The following FHOD3 variants were observed in gnomAD, a reference collection of about 807,000 sequenced individuals.
FHOD3 encodes the protein FH1/FH2 domain-containing protein 3.
Under a neutral mutation model 173.0 loss-of-function variants are expected in FHOD3, and 90 were observed. That is an observed-to-expected ratio of 0.52 (90% CI 0.44 to 0.62). The LOEUF (loss-of-function observed/expected upper bound fraction) is 0.62. Ranked by LOEUF, FHOD3 falls within the 20% of genes least tolerant of loss-of-function variation. The probability of loss-of-function intolerance (pLI) is 0.00; values close to 1 mark genes in which losing one functional copy is unlikely to be tolerated. For synonymous variants in FHOD3, 828 were observed against 823.0 expected, an observed-to-expected ratio of 1.01 and a Z score of -0.10; for missense variants, 1,945 against 2,034.7, an observed-to-expected ratio of 0.96 and a Z score of 0.85.
intron 3 of FHOD3, among the ~76,000 whole-genome samples, chr18:36,491,236 T>G (rs978147242): frequency 1.3e-5 from 2 of 152,218 alleles, no homozygotes; most frequent in Non-Finnish European, 2.9e-5. Flanking sequence ...TGCCTTTGGA[T>G]ATAATTTTTT....
chr18:36,748,378 AC>A (rs967737589), intron 24 of FHOD3, among the ~76,000 whole-genome samples: 12 of 121,070 alleles, frequency 9.9e-5, no homozygotes, highest in African/African-American at 2.1e-4. Flanking sequence ...ACACACACAC[AC>A]ACAACACACA....
intron 3 of FHOD3, among the ~76,000 whole-genome samples, chr18:36,434,262 A>C (rs538853615): frequency 6.6e-6 from 1 of 152,318 alleles, no homozygotes; most frequent in African/African-American, 2.4e-5. Flanking sequence ...TTTATGGATG[A>C]GGTAAGATAT....
intron 3 of FHOD3, among the ~76,000 whole-genome samples, chr18:36,432,334 A>C (rs1316290309): frequency 6.6e-6 from 1 of 152,220 alleles, no homozygotes; most frequent in African/African-American, 2.4e-5. Context: ...AGGACTGTCA[A>C]CTTTGGTGTT....
intron 20 of FHOD3, among the ~76,000 whole-genome samples, chr18:36,732,999 T>A (rs1045287769): frequency 6.6e-6 from 1 of 152,222 alleles, no homozygotes. Context: ...ACGGATTAAA[T>A]GACAAAGGTC....
chr18:36,679,169 TCATC>T (rs1568595123), intron 14 of FHOD3, among the ~76,000 whole-genome samples: 2 of 152,138 alleles, frequency 1.3e-5, no homozygotes, highest in Non-Finnish European at 2.9e-5. Flanking sequence ...TTTTAGAAAA[TCATC>T]CATTTCTTTA....
At position 36,598,880 on chromosome 18, in the gene FHOD3, C is replaced by T. The variant is rs140354149; in HGVS notation, c.719-3794C>T. ...GGAAAATTTAAAATGTTCCATTTGA[C>T]CCAGGCTATTGCACTTTTGCTCAGG... On this transcript the variant is annotated intron_variant, in intron 7 of 28. Transcript: ENST00000590592. 2.4e-3 allele frequency among the ~76,000 whole-genome samples: 370 copies of T among 152,296 alleles called. 1 individual carries two copies. Among genetic ancestry groups the T allele is most frequent in the African/African-American group, 8.4e-3 (348 of 41,564 alleles).
At chr18:36,687,278 A>G in intron 16 of FHOD3, 100 bp downstream of exon 16, 3 of 869,660 alleles carry the variant, frequency 3.4e-6, no homozygotes, top group Non-Finnish European at 5.5e-6. Context: ...TAACTGCTTC[A>G]CCTAAAACCT....
At chr18:36,511,756 G>A (rs1171391019) in intron 4 of FHOD3, among the ~76,000 whole-genome samples, 1 of 152,164 alleles carries the variant, frequency 6.6e-6, no homozygotes, top group Non-Finnish European at 1.5e-5. Context: ...GGAGACTTCT[G>A]TCTGAGAACC....
At chr18:36,322,863 A>G (rs1212454463) in intron 1 of FHOD3, among the ~76,000 whole-genome samples, 1 of 152,112 alleles carries the variant, frequency 6.6e-6, no homozygotes, top group Non-Finnish European at 1.5e-5. Flanking sequence ...TCACTCACTC[A>G]TTCATTCCAC....
chr18:36,445,734 C>T (rs2051429438), intron 3 of FHOD3, among the ~76,000 whole-genome samples: 1 of 152,136 alleles, frequency 6.6e-6, no homozygotes, highest in South Asian at 2.1e-4. Flanking sequence ...GGGCCTCTGT[C>T]TCATCTTGGG....
At chr18:36,540,415 T>C (rs1351399775) in intron 5 of FHOD3, among the ~76,000 whole-genome samples, 1 of 152,198 alleles carries the variant, frequency 6.6e-6, no homozygotes, top group African/African-American at 2.4e-5. Flanking sequence ...TGGGCTTGCT[T>C]AAGCTGGAGC....
intron 10 of FHOD3, among the ~76,000 whole-genome samples, chr18:36,633,645 G>A (rs977541083): frequency 2.6e-5 from 4 of 152,188 alleles, no homozygotes. Flanking sequence ...GGCAGTCAGA[G>A]TCCATAGCCT....
At chr18:36,444,971 A>T (rs1053560326) in intron 3 of FHOD3, among the ~76,000 whole-genome samples, 2 of 152,262 alleles carry the variant, frequency 1.3e-5, no homozygotes, top group South Asian at 4.1e-4. Flanking sequence ...TAACTAAAAG[A>T]TAAGTCAAAA....
intron 3 of FHOD3, among the ~76,000 whole-genome samples, chr18:36,412,737 T>C (rs2049421826): frequency 6.6e-6 from 1 of 152,220 alleles, no homozygotes; most frequent in South Asian, 2.1e-4. Context: ...TGCTGTTAAA[T>C]AAAATTAAGG....
At chr18:36,434,986 C>T (rs914391837) in intron 3 of FHOD3, among the ~76,000 whole-genome samples, 1 of 151,636 alleles carries the variant, frequency 6.6e-6, no homozygotes, top group Admixed American at 6.6e-5. Context: ...TAAATAAAGT[C>T]AGTAGCTTAA....
intron 5 of FHOD3, among the ~76,000 whole-genome samples, chr18:36,560,760 A>G (rs1568427916): frequency 6.6e-6 from 1 of 151,708 alleles, no homozygotes; most frequent in Non-Finnish European, 1.5e-5. Flanking sequence ...GCTGCAGCAC[A>G]GCCTTGCAGT....
At chr18:36,693,473 G>T in intron 17 of FHOD3, 50 bp downstream of exon 17, 1 of 1,520,998 alleles carries the variant, frequency 6.6e-7, no homozygotes, top group Non-Finnish European at 9.0e-7. Context: ...CATCAGACAG[G>T]CTTCCTCAGG....
chr18:36,649,500 C>T (rs2035910188), intron 11 of FHOD3, 95 bp downstream of exon 11: 2 of 876,986 alleles, frequency 2.3e-6, no homozygotes, highest in Non-Finnish European at 3.4e-6. Context: ...CTCCCTTCCT[C>T]ATTGACTCCC....
In FHOD3 at chr18:36,577,597, G is replaced by A. The variant is rs955043655; in HGVS notation, c.606+1052G>A. 7.2e-5 allele frequency among the ~76,000 whole-genome samples: 11 copies of A among 152,278 alleles called. No homozygotes were observed. In the East Asian group the frequency reaches 1.7e-3, roughly 24 times the overall value. Reference sequence around the variant, plus strand: ...GTTACAGGTGGGAGCCACCACATCCGGCCCATACTAGGTGTTTTATAAGCG... The same window carrying A: ...GTTACAGGTGGGAGCCACCACATCCAGCCCATACTAGGTGTTTTATAAGCG... On this transcript the variant is annotated intron_variant, in intron 6 of 28. Coordinates refer to ENST00000590592, the MANE Select transcript of FHOD3 (RefSeq NM_001281740.3).
Sources: allele counts gnomAD v4.1 joint callset (sites outside exome capture counted in the v4.1 genomes callset), GRCh38; gene constraint gnomAD v4.1.1; transcripts MANE v1.5; gene names NCBI Gene and HGNC (gene_info 2026-07-23, HGNC 2026-07-21).